The following KCTD8 variants were observed in gnomAD, a reference collection of about 807,000 sequenced individuals.
The protein encoded by KCTD8 is potassium channel tetramerization domain containing 8.
Under a neutral mutation model 31.5 loss-of-function variants are expected in KCTD8, and 27 were observed. The ratio of observed to expected loss-of-function variants is 0.86; its 90% CI spans 0.63 to 1.18. The LOEUF (loss-of-function observed/expected upper bound fraction) is 1.18, where lower values mean the gene tolerates loss of function less well. Ranked by LOEUF, KCTD8 falls within the 50% of genes most tolerant of loss-of-function variation. The pLI, the probability that KCTD8 is intolerant of heterozygous loss-of-function variation, is 0.00. For missense variants in KCTD8, 658 were observed against 647.7 expected, an observed-to-expected ratio of 1.02 and a Z score of -0.17; for synonymous variants, 290 against 280.0, an observed-to-expected ratio of 1.04 and a Z score of -0.36.
intron 1 of KCTD8, among the ~76,000 whole-genome samples, chr4:44,207,702 G>A (rs1714356297): frequency 6.6e-6 from 1 of 152,070 alleles, no homozygotes; most frequent in Admixed American, 6.6e-5. Flanking sequence ...TAATTCTGTG[G>A]GCAGGGGGCA....
intron 1 of KCTD8, among the ~76,000 whole-genome samples, chr4:44,212,874 T>G (rs1714532248): frequency 1.3e-5 from 2 of 152,178 alleles, no homozygotes; most frequent in Non-Finnish European, 2.9e-5. Context: ...TCTCATCTTT[T>G]CATTTTTACT....
At chr4:44,436,628 G>A (rs1236559497) in intron 1 of KCTD8, among the ~76,000 whole-genome samples, 1 of 151,996 alleles carries the variant, frequency 6.6e-6, no homozygotes, top group East Asian at 1.9e-4. Flanking sequence ...AAAGTATGTA[G>A]GGGTGAAATA....
chr4:44,182,190 CG>C (rs1713441283), intron 1 of KCTD8, among the ~76,000 whole-genome samples: 1 of 150,966 alleles, frequency 6.6e-6, no homozygotes, highest in Non-Finnish European at 1.5e-5. Context: ...TCCGCCTGGC[CG>C]GCCGACCCGT....
intron 1 of KCTD8, among the ~76,000 whole-genome samples, chr4:44,185,216 T>G (rs757551652): frequency 1.2e-4 from 18 of 152,212 alleles, no homozygotes; most frequent in Admixed American, 2.0e-4. Flanking sequence ...TATCTCTTAT[T>G]TTCAAACACT....
intron 1 of KCTD8, among the ~76,000 whole-genome samples, chr4:44,232,801 T>C (rs986540580): frequency 1.6e-4 from 24 of 151,964 alleles, no homozygotes; most frequent in Non-Finnish European, 3.1e-4. Context: ...CATTACAATA[T>C]TATTTATACT....
At chr4:44,407,505 G>C (rs982219097) in intron 1 of KCTD8, among the ~76,000 whole-genome samples, 2 of 151,334 alleles carry the variant, frequency 1.3e-5, no homozygotes, top group Admixed American at 6.6e-5. Context: ...TCCTGTCTCA[G>C]CCTCCTGAGT....
At chr4:44,357,656 C>T (rs1318710061) in intron 1 of KCTD8, among the ~76,000 whole-genome samples, 2 of 152,094 alleles carry the variant, frequency 1.3e-5, no homozygotes, top group African/African-American at 4.8e-5. Flanking sequence ...TAGACATATA[C>T]TTCAGAGGAT....
intron 1 of KCTD8, among the ~76,000 whole-genome samples, chr4:44,319,315 T>G (rs1718227568): frequency 6.6e-6 from 1 of 152,022 alleles, no homozygotes; most frequent in African/African-American, 2.4e-5. Context: ...AGGCCAATAG[T>G]TGGAGTTTCG....
rs71188270 is a variant in KCTD8, at chr4:44,316,795, G to GAA, written c.961+130766_961+130767dup. Among the ~76,000 whole-genome samples, 112 of 40,336 alleles carry GAA rather than the reference G, an allele frequency of 2.8e-3. 8 individuals are homozygous for GAA. The highest frequency in any genetic ancestry group is 3.4e-3 in the African/African-American group (52 of 15,410). The allele number at this position is 40,336 out of a possible 152,430, so 26.5% of individuals were successfully genotyped here. A position where few individuals can be genotyped will look rare whatever the true frequency, so the allele number is the denominator to read the frequency against. On this transcript the variant is annotated intron_variant, in intron 1 of 1. Transcript: ENST00000360029. The stretch of plus-strand genomic sequence containing the variant: ...GAAACCCCATCTCTACTAAAAATAC[G>GAA]AAAAAAAAAAAAAAAAAAAAAAAAA...
At chr4:44,269,179 A>G (rs1716493859) in intron 1 of KCTD8, among the ~76,000 whole-genome samples, 2 of 152,256 alleles carry the variant, frequency 1.3e-5, no homozygotes, top group South Asian at 2.1e-4. Context: ...CATGGTACTG[A>G]TACCAAAACA....
intron 1 of KCTD8, among the ~76,000 whole-genome samples, chr4:44,429,875 T>C (rs1560452762): frequency 6.6e-6 from 1 of 151,554 alleles, no homozygotes; most frequent in Admixed American, 6.6e-5. Flanking sequence ...TCAGATAAGA[T>C]GGGTTCAGTG....
intron 1 of KCTD8, among the ~76,000 whole-genome samples, chr4:44,215,955 GA>G (rs1714636690): frequency 6.6e-6 from 1 of 152,206 alleles, no homozygotes; most frequent in Non-Finnish European, 1.5e-5. Context: ...GTGAGGTACA[GA>G]AGGAGGCAAC....
chr4:44,220,177 T>C (rs1356318336), intron 1 of KCTD8, among the ~76,000 whole-genome samples: 2 of 152,146 alleles, frequency 1.3e-5, no homozygotes, highest in Non-Finnish European at 2.9e-5. Context: ...AAAAATGGGA[T>C]AGCTCAGGGT....
intron 1 of KCTD8, among the ~76,000 whole-genome samples, chr4:44,300,295 G>T (rs1717571741): frequency 6.6e-6 from 1 of 152,040 alleles, no homozygotes; most frequent in African/African-American, 2.4e-5. Context: ...TATAATAAAT[G>T]TAAAGCACTG....
At chr4:44,307,652 T>G (rs1305104143) in intron 1 of KCTD8, among the ~76,000 whole-genome samples, 1 of 152,034 alleles carries the variant, frequency 6.6e-6, no homozygotes, top group Non-Finnish European at 1.5e-5. Context: ...GTAATTTATT[T>G]TCCAATTAAT....
chr4:44,348,313 C>T (rs1218414078), intron 1 of KCTD8, among the ~76,000 whole-genome samples: 1 of 152,028 alleles, frequency 6.6e-6, no homozygotes, highest in East Asian at 1.9e-4. Context: ...TGCAATAATG[C>T]CGCTATCAAT....
chr4:44,294,081 A>G (rs1390791322), intron 1 of KCTD8, among the ~76,000 whole-genome samples: 2 of 152,234 alleles, frequency 1.3e-5, no homozygotes, highest in Non-Finnish European at 2.9e-5. Context: ...CGAAATTGAC[A>G]ATAACAAAAG....
intron 1 of KCTD8, among the ~76,000 whole-genome samples, chr4:44,376,180 C>T (rs190858162): frequency 9.2e-5 from 14 of 152,244 alleles, no homozygotes; most frequent in African/African-American, 2.6e-4. Flanking sequence ...CCTTTCCTAA[C>T]CCCCACAGGA....
rs561284573 is a variant in KCTD8 at position 44,264,267 on chromosome 4, T to A, written c.962-89017A>T. 2.1e-4 allele frequency among the ~76,000 whole-genome samples: 32 copies of A among 152,342 alleles called. No individual in the cohort carries two copies. The East Asian group carries it at 5.2e-3, about 25-fold the overall frequency. On this transcript the variant is annotated intron_variant, in intron 1 of 1. Transcript: ENST00000360029. ...ATTAGCTATTCTTTATAGAATTTTTTAAAAATATTAGCTTACCCTAATATT... is the reference window on the plus strand; with the variant it reads ...ATTAGCTATTCTTTATAGAATTTTTAAAAAATATTAGCTTACCCTAATATT...
Sources: allele counts gnomAD v4.1 joint callset (sites outside exome capture counted in the v4.1 genomes callset), GRCh38; gene constraint gnomAD v4.1.1; transcripts MANE v1.5; gene names NCBI Gene and HGNC (gene_info 2026-07-23, HGNC 2026-07-21).